The following DGKB variants were observed in gnomAD, a reference collection of about 807,000 sequenced individuals.
DGKB encodes the protein 90 kDa diacylglycerol kinase.
Under a neutral mutation model 114.3 loss-of-function variants are expected in DGKB, and 67 were observed. The observed-to-expected ratio is 0.59, with a 90% CI of 0.48 to 0.72. DGKB has a LOEUF of 0.72. DGKB is among the 30% of genes least tolerant of loss of function. DGKB has a pLI of 0.00. For missense variants in DGKB, 907 were observed against 975.2 expected, an observed-to-expected ratio of 0.93 and a Z score of 0.93; for synonymous variants, 398 against 323.1, an observed-to-expected ratio of 1.23 and a Z score of -2.49.
At chr7:14,832,154 C>T (rs1399467118) in intron 2 of DGKB, among the ~76,000 whole-genome samples, 1 of 151,922 alleles carries the variant, frequency 6.6e-6, no homozygotes, top group South Asian at 2.1e-4. Context: ...CTTAATTACA[C>T]CGTTGAGAAA....
intron 1 of DGKB, among the ~76,000 whole-genome samples, chr7:14,956,695 A>G (rs1223145069): frequency 6.6e-6 from 1 of 152,020 alleles, no homozygotes; most frequent in Non-Finnish European, 1.5e-5. Context: ...TCAAAGATCA[A>G]TGTGGTTGCA....
intron 9 of DGKB, among the ~76,000 whole-genome samples, chr7:14,689,196 C>CTTTTTTTTTTTTTTT (rs1554599070): frequency 1.7e-4 from 14 of 80,312 alleles, no homozygotes; most frequent in Non-Finnish European, 2.2e-4. Flanking sequence ...AGAAACTCCT[C>CTTTTTTTTTTTTTTT]TTATTTTTTT....
At chr7:14,346,901 A>T (rs1449097462) in intron 21 of DGKB, among the ~76,000 whole-genome samples, 10 of 151,974 alleles carry the variant, frequency 6.6e-5, no homozygotes, top group Non-Finnish European at 1.3e-4. Context: ...ATATTTTATG[A>T]CTATTGGAAT....
intron 4 of DGKB, among the ~76,000 whole-genome samples, chr7:14,738,489 A>C (rs1832075519): frequency 6.6e-6 from 1 of 152,218 alleles, no homozygotes; most frequent in Non-Finnish European, 1.5e-5. Context: ...CAATTTCTTC[A>C]TCTATAAAAT....
At chr7:14,341,303 T>C (rs779259472) in intron 22 of DGKB, among the ~76,000 whole-genome samples, 7 of 151,824 alleles carry the variant, frequency 4.6e-5, no homozygotes, top group Non-Finnish European at 8.8e-5. Flanking sequence ...GTTATGTTCA[T>C]TAGTCTGGAA....
At chr7:14,661,814 C>A (rs868487776) in intron 13 of DGKB, among the ~76,000 whole-genome samples, 278 of 151,880 alleles carry the variant, frequency 1.8e-3, no homozygotes, top group Middle Eastern at 6.8e-3. Flanking sequence ...CCAAATGTCC[C>A]ACAATGATAG....
intron 4 of DGKB, among the ~76,000 whole-genome samples, chr7:14,742,303 TTCTG>T (rs745432905): frequency 3.3e-5 from 5 of 152,338 alleles, no homozygotes; most frequent in Non-Finnish European, 5.9e-5. Context: ...CTGGATCTTC[TTCTG>T]TCTGTCTATG....
chr7:14,804,484 T>C (rs1842562789), intron 2 of DGKB, among the ~76,000 whole-genome samples: 2 of 152,168 alleles, frequency 1.3e-5, no homozygotes. Flanking sequence ...AATTCATCCA[T>C]CCATCATTTG....
rs73682952 is a variant in DGKB at position 14,631,188 on chromosome 7, G to C, written c.1135-920C>G. On this transcript the variant is annotated intron_variant, in intron 13 of 25. Transcript: ENST00000402815. ...CTGGGCAGTGCTAGATCACCAAGAT[G>C]GGTATGAAAAATCTGATAGTCCAGA... Among the ~76,000 whole-genome samples, 569 of 149,740 alleles carry C rather than the reference G, an allele frequency of 3.8e-3. 1 individual carries two copies. The highest frequency in any genetic ancestry group is 0.013 in the African/African-American group (520 of 40,774).
chr7:14,163,784 C>A (rs1027062868), intron 25 of DGKB, among the ~76,000 whole-genome samples: 2 of 152,168 alleles, frequency 1.3e-5, no homozygotes, highest in African/African-American at 4.8e-5. Flanking sequence ...CACCTGAGGT[C>A]AGGAATTCGA....
chr7:14,211,155 CAT>C (rs1404845751), intron 23 of DGKB, among the ~76,000 whole-genome samples: 3 of 152,076 alleles, frequency 2.0e-5, no homozygotes, highest in African/African-American at 7.2e-5. Flanking sequence ...GAGACTGTAT[CAT>C]ATAAATTGTA....
chr7:14,465,851 C>A (rs1304345342), intron 21 of DGKB, among the ~76,000 whole-genome samples: 1 of 152,082 alleles, frequency 6.6e-6, no homozygotes, highest in Non-Finnish European at 1.5e-5. Flanking sequence ...GAAGTATGGC[C>A]CATAGGTCAC....
chr7:14,604,254 C>A (rs1645456107), intron 17 of DGKB, among the ~76,000 whole-genome samples: 1 of 151,976 alleles, frequency 6.6e-6, no homozygotes, highest in African/African-American at 2.4e-5. Flanking sequence ...ACACCCATTT[C>A]TGTTTTAAAA....
chr7:14,565,528 A>G (rs938081556), intron 20 of DGKB, among the ~76,000 whole-genome samples: 4 of 152,112 alleles, frequency 2.6e-5, no homozygotes, highest in African/African-American at 9.7e-5. Flanking sequence ...ATAGCCCTGA[A>G]ATTTCCACTA....
intron 23 of DGKB, among the ~76,000 whole-genome samples, chr7:14,239,115 G>A (rs756997299): frequency 1.3e-5 from 2 of 151,824 alleles, no homozygotes; most frequent in Non-Finnish European, 2.9e-5. Context: ...TATGTTACTT[G>A]TCTATTATTC....
Position 14,345,337 on chromosome 7 carries a change from G to A in DGKB, c.1890C>T (p.Ala630=). The change falls in exon 22 of 26, where the codon GCC becomes GCT. Residue 630 remains alanine (A), a synonymous_variant. Coordinates refer to ENST00000402815, the MANE Select transcript of DGKB (RefSeq NM_001350709.2). ...CAGATTCATGTAGCTTCTTGCAGGT[G>A]GCTGAGAAAGTTTCAGATGTGCCAA... The part of the protein sequence containing the change: ...FEFGTSETFS[A]TCKKLHESVE... The A allele has an allele frequency of 1.9e-6, 3 of 1,545,036 alleles. No individual in the cohort carries two copies. The highest frequency in any genetic ancestry group is 2.6e-6 in the Non-Finnish European group (3 of 1,143,606).
At chr7:14,321,444 C>A (rs1373930335) in intron 23 of DGKB, among the ~76,000 whole-genome samples, 3 of 151,722 alleles carry the variant, frequency 2.0e-5, no homozygotes, top group Non-Finnish European at 4.4e-5. Context: ...AAATCTTTAA[C>A]CTGAAAAGGT....
At chr7:14,379,178 T>G (rs1818982523) in intron 21 of DGKB, among the ~76,000 whole-genome samples, 1 of 152,314 alleles carries the variant, frequency 6.6e-6, no homozygotes, top group East Asian at 1.9e-4. Context: ...TAAATGGAAT[T>G]CATTTCTCTG....
intron 1 of DGKB, among the ~76,000 whole-genome samples, chr7:14,871,968 C>T (rs909896404): frequency 5.9e-5 from 9 of 152,164 alleles, no homozygotes; most frequent in East Asian, 5.8e-4. Flanking sequence ...ATGATTTATA[C>T]GGCACTTTGC....
Sources: gnomAD v4.1 joint callset for allele counts (sites outside exome capture counted in the v4.1 genomes callset) on GRCh38, gnomAD v4.1.1 for gene constraint, MANE v1.5 for transcripts, NCBI Gene and HGNC (gene_info 2026-07-23, HGNC 2026-07-21) for gene names.